Variants in PCDHGA2 observed in about 807,000 individuals in gnomAD.
PCDHGA2 encodes the protein protocadherin gamma subfamily A, 2.
PCDHGA2 carries 40 observed loss-of-function variants against 59.2 expected under a neutral mutation model. That is an observed-to-expected ratio of 0.68 (90% CI 0.52 to 0.88). The LOEUF is 0.88. Ranked by LOEUF, PCDHGA2 falls within the 40% of genes least tolerant of loss-of-function variation. The pLI is 0.00. For synonymous variants in PCDHGA2, 560 were observed against 526.0 expected (o/e 1.06, Z -0.89); for missense variants, 1,226 against 1,204.0 (o/e 1.02, Z -0.27).
intron 1 of PCDHGA2, chr5:141,384,111 G>A: frequency 6.2e-7 from 1 of 1,604,746 alleles, no homozygotes; most frequent in Non-Finnish European, 8.5e-7. Context: ...ATTATAGATT[G>A]GTCACAACCA....
At chr5:141,392,746 G>T in intron 1 of PCDHGA2, 1 of 1,443,974 alleles carries the variant, frequency 6.9e-7, no homozygotes, top group South Asian at 1.5e-5. Flanking sequence ...CATAGCTGCG[G>T]CAAGAAACTA....
chr5:141,475,653 G>T (rs982063429), intron 1 of PCDHGA2, among the ~76,000 whole-genome samples: 2 of 152,238 alleles, frequency 1.3e-5, no homozygotes, highest in African/African-American at 2.4e-5. Context: ...CAAAGAAAGT[G>T]ATTCAAATGT....
intron 1 of PCDHGA2, among the ~76,000 whole-genome samples, chr5:141,363,897 C>T (rs925245395): frequency 6.6e-6 from 1 of 152,090 alleles, no homozygotes; most frequent in Admixed American, 6.5e-5. Flanking sequence ...CCCCCGATGA[C>T]GCATTAAATA....
intron 1 of PCDHGA2, among the ~76,000 whole-genome samples, chr5:141,443,787 A>C (rs957552086): frequency 3.3e-5 from 5 of 152,222 alleles, no homozygotes; most frequent in African/African-American, 1.2e-4. Flanking sequence ...AAGACAAAAA[A>C]AATGAAAAGG....
chr5:141,420,910 G>T, intron 1 of PCDHGA2: 1 of 311,900 alleles, frequency 3.2e-6, no homozygotes, highest in South Asian at 7.0e-5. Context: ...ACAAATACGT[G>T]TGATTCACAA....
chr5:141,428,025 G>C, intron 1 of PCDHGA2: 1 of 1,606,426 alleles, frequency 6.2e-7, no homozygotes, highest in Non-Finnish European at 8.5e-7. Flanking sequence ...ACGCGCCGCA[G>C]AGTCCGGCTA....
chr5:141,383,951 C>CT (rs1779634638), intron 1 of PCDHGA2: 1 of 1,613,676 alleles, frequency 6.2e-7, no homozygotes, highest in African/African-American at 1.3e-5. Context: ...ACTATGACGT[C>CT]TTTAAGTAGC....
At chr5:141,383,821 G>C in intron 1 of PCDHGA2, 1 of 1,613,922 alleles carries the variant, frequency 6.2e-7, no homozygotes, top group Non-Finnish European at 8.5e-7. Flanking sequence ...AGAAGGATTA[G>C]ATTATGAAGA....
Position 141,423,580 on chromosome 5 carries a change from A to C in PCDHGA2, c.2425-71227A>C, listed in dbSNP as rs368022774. 46 of 1,613,286 alleles carry C rather than the reference A, an allele frequency of 2.9e-5. No individual in the cohort carries two copies. In the African/African-American group the frequency reaches 5.6e-4, roughly 20 times the overall value. On this transcript the variant is annotated intron_variant, in intron 1 of 3. Coordinates refer to ENST00000394576, the MANE Select transcript of PCDHGA2 (RefSeq NM_018915.4). ...TGGGGACACGCTCATCAGCCAGGAGAGCTGTGAGAAAAGCGAGCCACTCTT... is the reference window on the plus strand; with the variant it reads ...TGGGGACACGCTCATCAGCCAGGAGCGCTGTGAGAAAAGCGAGCCACTCTT...
chr5:141,505,418 A>T lies in PCDHGA2; in HGVS notation c.2509A>T (p.Thr837Ser). 1 of 1,614,186 alleles carries T rather than the reference A, an allele frequency of 6.2e-7. No homozygotes were observed. Among genetic ancestry groups the T allele is most frequent in the East Asian group, 2.2e-5 (1 of 44,876 alleles). The change falls in exon 3 of 4, where the codon ACC becomes TCC. Residue 837 changes from threonine to serine, a missense_variant. By Grantham distance (58) the Thr-to-Ser change is moderately conservative. Coordinates refer to ENST00000394576, the MANE Select transcript of PCDHGA2 (RefSeq NM_018915.4). ...SGSQNGDDTG[T>S]WPNNQFDTEM... ...CTCCCAAAATGGCGATGACACCGGC[A>T]CCTGGCCCAACAACCAGTTTGACAC...
chr5:141,504,583 A>G (rs1230825472), intron 2 of PCDHGA2, among the ~76,000 whole-genome samples: 1 of 146,622 alleles, frequency 6.8e-6, no homozygotes, highest in African/African-American at 2.5e-5. Flanking sequence ...CCATCTGCCC[A>G]GGATTCACAG....
Position 141,489,791 on chromosome 5 carries a change from C to G in PCDHGA2, c.2425-5016C>G. ...AGCCACTTCTCTCTGAATGTGAAGA[C>G]CCTAAAAGATGGGAAGCCATTCCCA... On this transcript the variant is annotated intron_variant, in intron 1 of 3. Transcript: ENST00000394576. The surrounding 1 kb of genome is among the most constrained non-coding windows in gnomAD (Gnocchi z 4.5). 2 of 1,614,174 alleles carry G rather than the reference C, an allele frequency of 1.2e-6. No individual in the cohort carries two copies. The highest frequency in any genetic ancestry group is 1.7e-6 in the Non-Finnish European group (2 of 1,180,002).
intron 1 of PCDHGA2, chr5:141,404,584 C>T: frequency 6.2e-7 from 1 of 1,613,980 alleles, no homozygotes; most frequent in Non-Finnish European, 8.5e-7. Flanking sequence ...CACTTAGCAG[C>T]AATGTGTCAT....
intron 1 of PCDHGA2, among the ~76,000 whole-genome samples, chr5:141,446,022 T>C (rs2098484874): frequency 1.3e-5 from 2 of 152,198 alleles, no homozygotes; most frequent in Admixed American, 1.3e-4. Flanking sequence ...TATGGCAATA[T>C]TCCTGGTAAG....
chr5:141,384,134 G>T, intron 1 of PCDHGA2: 2 of 1,611,964 alleles, frequency 1.2e-6, no homozygotes, highest in South Asian at 2.2e-5. Context: ...AACTTGGACC[G>T]GGAAACACTC....
chr5:141,425,845 GT>G (rs2096898477), intron 1 of PCDHGA2, among the ~76,000 whole-genome samples: 1 of 152,126 alleles, frequency 6.6e-6, no homozygotes, highest in Non-Finnish European at 1.5e-5. Context: ...TCTTTGCTGG[GT>G]TAATGACTGT....
chr5:141,415,206 G>A, intron 1 of PCDHGA2: 4 of 1,614,054 alleles, frequency 2.5e-6, no homozygotes, highest in African/African-American at 1.3e-5. Flanking sequence ...AAGTCCTGGC[G>A]GACCTCGGCA....
chr5:141,427,723 G>A, intron 1 of PCDHGA2: 1 of 1,127,490 alleles, frequency 8.9e-7, no homozygotes, highest in Non-Finnish European at 1.3e-6. Context: ...CTGGACCTAG[G>A]GCTGAATGGC....
In PCDHGA2 at chr5:141,422,057, A is replaced by T. The variant is rs1356083259; in HGVS notation, c.2425-72750A>T. 3.1e-6 allele frequency: 5 copies of T among 1,611,974 alleles called. No individual in the cohort carries two copies. The South Asian group carries it at 5.5e-5, about 18-fold the overall frequency. On this transcript the variant is annotated intron_variant, in intron 1 of 3. Transcript: ENST00000394576. The stretch of plus-strand genomic sequence containing the variant: ...GATCCAGACGAGGGAATCAACGGGG[A>T]AGTAATGTATTCATTTCGGAACATG...
Sources: allele counts gnomAD v4.1 joint callset (sites outside exome capture counted in the v4.1 genomes callset), GRCh38; gene constraint gnomAD v4.1.1; non-coding constraint Gnocchi (gnomAD v3.1); transcripts MANE v1.5; gene names NCBI Gene and HGNC (gene_info 2026-07-23, HGNC 2026-07-21).